The following COL24A1 variants were observed in gnomAD, a reference collection of about 807,000 sequenced individuals.
COL24A1 encodes the protein collagen type XXIV alpha 1 chain, also known as collagen alpha-1(XXIV) chain.
A neutral mutation model predicts 253.9 loss-of-function variants in COL24A1; 224 were observed. That is an observed-to-expected ratio of 0.88 (90% CI 0.79 to 0.99). The LOEUF (loss-of-function observed/expected upper bound fraction) is 0.99, where lower values mean the gene tolerates loss of function less well. Among genes scored for constraint, COL24A1 ranks in the 50% least tolerant of loss-of-function variants. The probability of loss-of-function intolerance (pLI) is 0.00; values close to 1 mark genes in which losing one functional copy is unlikely to be tolerated. For synonymous variants in COL24A1, 685 were observed against 673.7 expected, an observed-to-expected ratio of 1.02 and a Z score of -0.26; for missense variants, 2,131 against 2,068.5, an observed-to-expected ratio of 1.03 and a Z score of -0.59.
intron 51 of COL24A1, among the ~76,000 whole-genome samples, chr1:85,782,512 T>C (rs1558104392): frequency 6.6e-5 from 1 of 15,218 alleles, no homozygotes; most frequent in Non-Finnish European, 2.1e-4. Flanking sequence ...TGGAATACTA[T>C]GCAATAAAAG....
chr1:85,748,579 C>T (rs1241388854), intron 55 of COL24A1, among the ~76,000 whole-genome samples: 4 of 151,644 alleles, frequency 2.6e-5, no homozygotes, highest in Non-Finnish European at 4.4e-5. Context: ...CCAGCGTGAG[C>T]CACGCAGAAG....
chr1:86,018,720 G>A (rs1697221996), intron 18 of COL24A1, among the ~76,000 whole-genome samples: 5 of 152,154 alleles, frequency 3.3e-5, no homozygotes, highest in Admixed American at 3.3e-4. Context: ...GACATTTTAA[G>A]TAACTTATAG....
At chr1:85,830,913 G>A (rs189746825) in intron 43 of COL24A1, among the ~76,000 whole-genome samples, 93 of 152,208 alleles carry the variant, frequency 6.1e-4, no homozygotes, top group Non-Finnish European at 1.2e-3. Flanking sequence ...GCTGTAGACC[G>A]GAGCTGTTCT....
At chr1:86,002,303 C>G (rs533524872) in intron 19 of COL24A1, among the ~76,000 whole-genome samples, 1 of 152,294 alleles carries the variant, frequency 6.6e-6, no homozygotes, top group South Asian at 2.1e-4. Flanking sequence ...CAGGCGCACC[C>G]CTGCGGAGAT....
intron 19 of COL24A1, among the ~76,000 whole-genome samples, chr1:85,990,271 C>T (rs758172264): frequency 5.3e-4 from 81 of 152,180 alleles, no homozygotes; most frequent in African/African-American, 3.1e-4. Flanking sequence ...CCAGATAAGC[C>T]TGGAACACAC....
intron 31 of COL24A1, among the ~76,000 whole-genome samples, chr1:85,892,877 C>T (rs1475482322): frequency 6.6e-6 from 1 of 151,820 alleles, no homozygotes; most frequent in Non-Finnish European, 1.5e-5. Context: ...AGCTAAAAAT[C>T]CAACAGACAG....
In COL24A1 at chr1:85,730,241, G is replaced by A. The variant is rs967653745; in HGVS notation, c.*305C>T. 5 of 224,890 alleles carry A rather than the reference G, an allele frequency of 2.2e-5. No homozygotes were observed. The highest frequency in any genetic ancestry group is 8.2e-5 in the South Asian group (1 of 12,260). The allele number at this position is 224,890 out of a possible 1,614,324, so 13.9% of individuals were successfully genotyped here. A position where few individuals can be genotyped will look rare whatever the true frequency, so the allele number is the denominator to read the frequency against. ...TCTCCAGCTGTCTAATGGGTACTAC[G>A]CACTCAGTCAAAAATATAAGATACC... On this transcript the variant is annotated 3_prime_UTR_variant, in exon 60 of 60. Coordinates refer to ENST00000370571, the MANE Select transcript of COL24A1 (RefSeq NM_152890.7).
chr1:85,924,538 T>G (rs568951642), intron 24 of COL24A1, among the ~76,000 whole-genome samples: 2 of 152,196 alleles, frequency 1.3e-5, no homozygotes, highest in South Asian at 4.2e-4. Context: ...ATAAACATAA[T>G]CCATCACATA....
At chr1:85,846,598 A>G (rs981418657) in intron 39 of COL24A1, among the ~76,000 whole-genome samples, 14 of 152,040 alleles carry the variant, frequency 9.2e-5, no homozygotes, top group African/African-American at 3.1e-4. Context: ...AACTTCCATA[A>G]GAAAAAAGTG....
At chr1:85,826,549 A>G (rs1367238471) in intron 43 of COL24A1, among the ~76,000 whole-genome samples, 1 of 145,236 alleles carries the variant, frequency 6.9e-6, no homozygotes, top group African/African-American at 2.6e-5. Context: ...GATTCTTCCT[A>G]CCCATGAGCA....
intron 24 of COL24A1, among the ~76,000 whole-genome samples, chr1:85,924,213 G>A (rs985746924): frequency 1.5e-4 from 23 of 152,060 alleles, no homozygotes; most frequent in Admixed American, 5.9e-4. Flanking sequence ...AGGACCAGAC[G>A]GATTCACAGC....
intron 37 of COL24A1, among the ~76,000 whole-genome samples, chr1:85,854,264 A>G (rs1678156873): frequency 6.6e-6 from 1 of 152,156 alleles, no homozygotes; most frequent in African/African-American, 2.4e-5. Flanking sequence ...GTCAAAGGTC[A>G]GATAGCTGTA....
chr1:86,021,792 T>G (rs541936), intron 18 of COL24A1, among the ~76,000 whole-genome samples: 1 of 151,848 alleles, frequency 6.6e-6, no homozygotes, highest in African/African-American at 2.4e-5. Flanking sequence ...TTCGTCTAAT[T>G]GATGTCCAAG....
intron 7 of COL24A1, among the ~76,000 whole-genome samples, chr1:86,086,473 TG>T (rs1312122069): frequency 2.0e-5 from 3 of 152,180 alleles, no homozygotes; most frequent in Admixed American, 2.0e-4. Flanking sequence ...GTCACCAGCA[TG>T]GATTACACCT....
chr1:85,867,799 T>C (rs313772), intron 37 of COL24A1, among the ~76,000 whole-genome samples: 62,563 of 151,954 alleles, frequency 0.41, 13,361 homozygotes, highest in South Asian at 0.59. Flanking sequence ...GGCTGGAGTG[T>C]AGTGACACGA....
chr1:86,119,890 T>A (rs1385351540), intron 3 of COL24A1, among the ~76,000 whole-genome samples: 5 of 152,150 alleles, frequency 3.3e-5, no homozygotes, highest in Non-Finnish European at 5.9e-5. Context: ...GACTTCAAAC[T>A]ATACTACAAG....
chr1:85,915,125 G>A (rs982240588), intron 24 of COL24A1, among the ~76,000 whole-genome samples: 17 of 152,192 alleles, frequency 1.1e-4, no homozygotes, highest in Admixed American at 1.1e-3. Context: ...TTCCCAATGT[G>A]GGTGGGCACT....
chr1:85,811,451 A>G (rs1003089838), intron 47 of COL24A1, among the ~76,000 whole-genome samples: 1 of 152,198 alleles, frequency 6.6e-6, no homozygotes, highest in African/African-American at 2.4e-5. Flanking sequence ...GCATATATAT[A>G]TACCCAGAAG....
intron 32 of COL24A1, 95 bp from the exon 33 acceptor site, chr1:85,877,270 A>C: frequency 1.3e-6 from 1 of 781,776 alleles, no homozygotes; most frequent in Middle Eastern, 2.9e-4. Context: ...TATAACACAT[A>C]ACACATGATT....
Sources: gnomAD v4.1 joint callset for allele counts (sites outside exome capture counted in the v4.1 genomes callset) on GRCh38, gnomAD v4.1.1 for gene constraint, MANE v1.5 for transcripts, NCBI Gene and HGNC (gene_info 2026-07-23, HGNC 2026-07-21) for gene names.